Variants in DOCK1 observed in about 807,000 individuals in gnomAD.
The protein encoded by DOCK1 is dedicator of cytokinesis protein 1.
Under a neutral mutation model 262.7 loss-of-function variants are expected in DOCK1, and 138 were observed. That is an observed-to-expected ratio of 0.53 (90% confidence interval 0.46 to 0.61). The LOEUF (loss-of-function observed/expected upper bound fraction) is 0.61, where lower values mean the gene tolerates loss of function less well. Among genes scored for constraint, DOCK1 ranks in the 20% least tolerant of loss-of-function variants. DOCK1 has a pLI of 0.00. For missense variants in DOCK1, 1,908 were observed against 2,370.7 expected (o/e 0.80, Z 4.05); for synonymous variants, 866 against 867.4 (o/e 1.00, Z 0.03).
At chr10:127,423,019 A>G (rs1019024540) in intron 46 of DOCK1, among the ~76,000 whole-genome samples, 5 of 152,230 alleles carry the variant, frequency 3.3e-5, no homozygotes, top group Non-Finnish European at 4.4e-5. Context: ...GTCACAGGAA[A>G]GGTAAAAGAA....
intron 27 of DOCK1, among the ~76,000 whole-genome samples, chr10:127,132,590 C>G (rs983050350): frequency 6.6e-6 from 1 of 152,140 alleles, no homozygotes; most frequent in Non-Finnish European, 1.5e-5. Context: ...ACACACGGAT[C>G]TGAGCAGGTG....
Position 127,418,359 on chromosome 10 carries a change from T to C in DOCK1, c.4516-6T>C. ...GCTGACATCGGGCTCTCCTCTCTCT[T>C]TGCAGGTGGAAATCAGCCCCCTGGA... On this transcript the variant is annotated splice_region_variant and splice_polypyrimidine_tract_variant and intron_variant, in intron 44 of 51. Coordinates refer to ENST00000623213, the MANE Select transcript of DOCK1 (RefSeq NM_001290223.2). 6.2e-7 allele frequency: 1 copy of C among 1,604,950 alleles called. No homozygotes were observed. Among genetic ancestry groups the C allele is most frequent in the Non-Finnish European group, 8.5e-7 (1 of 1,174,590 alleles).
chr10:127,182,845 G>A (rs2055862469), intron 27 of DOCK1, among the ~76,000 whole-genome samples: 1 of 151,996 alleles, frequency 6.6e-6, no homozygotes, highest in Non-Finnish European at 1.5e-5. Context: ...CAGCTCATGA[G>A]TACCTTTAGT....
chr10:127,133,969 T>C (rs1297205852), intron 27 of DOCK1, among the ~76,000 whole-genome samples: 1 of 152,214 alleles, frequency 6.6e-6, no homozygotes, highest in African/African-American at 2.4e-5. Flanking sequence ...CTGTGATCTT[T>C]AGGTGACACT....
At chr10:127,397,594 A>G (rs1450996771) in intron 38 of DOCK1, among the ~76,000 whole-genome samples, 1 of 151,410 alleles carries the variant, frequency 6.6e-6, no homozygotes, top group Non-Finnish European at 1.5e-5. Flanking sequence ...TCTGAGCATG[A>G]GTTACACGGG....
rs115563276 is a variant in DOCK1 at position 126,926,903 on chromosome 10, A to G, written c.46+21340A>G. 4.4e-3 allele frequency among the ~76,000 whole-genome samples: 665 copies of G among 152,314 alleles called. 4 individuals are homozygous for G. Among genetic ancestry groups the G allele is most frequent in the African/African-American group, 0.015 (642 of 41,560 alleles). On this transcript the variant is annotated intron_variant, in intron 1 of 51. Transcript: ENST00000623213. ...GGCCTCTGAAACTGTGAGAAAATAA[A>G]TATCTGTTATTAGAAGCCACCAAGC...
intron 10 of DOCK1, among the ~76,000 whole-genome samples, chr10:127,001,943 G>A (rs1204342672): frequency 6.6e-6 from 1 of 152,060 alleles, no homozygotes; most frequent in Non-Finnish European, 1.5e-5. Context: ...CTGCTGCCCC[G>A]ACCTCCTGGG....
Position 127,032,375 on chromosome 10 carries a change from T to C in DOCK1, c.1912+55T>C, listed in dbSNP as rs773384563. 1.9e-4 allele frequency: 282 copies of C among 1,450,992 alleles called. 1 individual carries two copies. Among genetic ancestry groups the C allele is most frequent in the Non-Finnish European group, 2.5e-4 (272 of 1,102,336 alleles). 89.9% of individuals were successfully genotyped at this position (1,450,992 alleles called of 1,614,324 possible). On this transcript the variant is annotated intron_variant, in intron 18 of 51. Coordinates refer to ENST00000623213, the MANE Select transcript of DOCK1 (RefSeq NM_001290223.2). Reference sequence around the variant, plus strand: ...CCAGGAGCTCTGCCCCAGTCCTGTCTTTTCCATGCTCCTTCCTATGTGGAG... The same window carrying C: ...CCAGGAGCTCTGCCCCAGTCCTGTCCTTTCCATGCTCCTTCCTATGTGGAG...
At chr10:127,356,700 CTT>C (rs1217751271) in intron 32 of DOCK1, among the ~76,000 whole-genome samples, 2 of 152,080 alleles carry the variant, frequency 1.3e-5, no homozygotes, top group Non-Finnish European at 2.9e-5. Flanking sequence ...GAGTCCAGGA[CTT>C]TTATAGGCAC....
intron 43 of DOCK1, among the ~76,000 whole-genome samples, chr10:127,413,175 A>G (rs188812577): frequency 6.6e-6 from 1 of 152,224 alleles, no homozygotes; most frequent in East Asian, 1.9e-4. Flanking sequence ...ATATATTCTT[A>G]GACTATAAAG....
intron 29 of DOCK1, among the ~76,000 whole-genome samples, chr10:127,262,126 G>T (rs953441391): frequency 2.7e-5 from 4 of 148,464 alleles, no homozygotes; most frequent in African/African-American, 1.0e-4. Flanking sequence ...GTGTGTGTGT[G>T]TGTACCCGTG....
intron 38 of DOCK1, among the ~76,000 whole-genome samples, chr10:127,387,934 G>C (rs892689610): frequency 6.6e-6 from 1 of 151,886 alleles, no homozygotes; most frequent in African/African-American, 2.4e-5. Flanking sequence ...TCATATGGAG[G>C]GGCAAAACGA....
At chr10:127,087,819 C>T (rs891285918) in intron 23 of DOCK1, among the ~76,000 whole-genome samples, 1 of 152,200 alleles carries the variant, frequency 6.6e-6, no homozygotes, top group Non-Finnish European at 1.5e-5. Context: ...AAATACACAT[C>T]TTGGAATTAC....
intron 37 of DOCK1, among the ~76,000 whole-genome samples, chr10:127,382,770 G>A (rs1000574346): frequency 3.3e-5 from 5 of 152,190 alleles, no homozygotes; most frequent in African/African-American, 7.2e-5. Flanking sequence ...CTCATAGAAC[G>A]TAAACTTTTA....
chr10:127,131,497 G>T (rs1368414074), intron 27 of DOCK1, among the ~76,000 whole-genome samples: 1 of 152,128 alleles, frequency 6.6e-6, no homozygotes, highest in African/African-American at 2.4e-5. Context: ...TTTCAAGAAG[G>T]GTGTTTGCCA....
chr10:127,164,159 C>CT (rs528947051), intron 27 of DOCK1, among the ~76,000 whole-genome samples: 1 of 63,582 alleles, frequency 1.6e-5, no homozygotes, highest in African/African-American at 6.1e-5. Context: ...CATTTGCCTC[C>CT]TTTTTTTTTT....
chr10:127,435,794 C>T (rs1215888284), intron 48 of DOCK1, among the ~76,000 whole-genome samples: 1 of 152,164 alleles, frequency 6.6e-6, no homozygotes, highest in Non-Finnish European at 1.5e-5. Flanking sequence ...TTGGGGTTAC[C>T]ACCCTTTGCT....
In DOCK1 at chr10:127,446,934, G is replaced by A. The variant is rs910078987; in HGVS notation, c.5414-460G>A. On this transcript the variant is annotated intron_variant, in intron 50 of 51. Transcript: ENST00000623213. The surrounding 1 kb of genome is among the most constrained non-coding windows in gnomAD (Gnocchi z 4.4). ...GAGATGGGAAGCTGGGTGGCTGGTC[G>A]GCGTGTTAGACTTTGCTTAGTGAAT... Among the ~76,000 whole-genome samples, 1 of 152,236 alleles carries A rather than the reference G, an allele frequency of 6.6e-6. No homozygotes were observed. The highest frequency in any genetic ancestry group is 2.1e-4 in the South Asian group (1 of 4,822).
chr10:127,143,302 G>A (rs1017139107), intron 27 of DOCK1, among the ~76,000 whole-genome samples: 4 of 152,184 alleles, frequency 2.6e-5, no homozygotes, highest in African/African-American at 4.8e-5. Flanking sequence ...CTCTAGCCTC[G>A]ACAGGGCCAT....
Sources: gnomAD v4.1 joint callset for allele counts (sites outside exome capture counted in the v4.1 genomes callset) on GRCh38, gnomAD v4.1.1 for gene constraint, Gnocchi (gnomAD v3.1) non-coding constraint, MANE v1.5 for transcripts, NCBI Gene and HGNC (gene_info 2026-07-23, HGNC 2026-07-21) for gene names.